FCRL2: variants seen among roughly 807,000 people sequenced by gnomAD.
The protein encoded by FCRL2 is Fc receptor like 2.
Under a neutral mutation model 59.8 loss-of-function variants are expected in FCRL2, and 48 were observed. The ratio of observed to expected loss-of-function variants is 0.80; its 90% CI spans 0.64 to 1.02. The LOEUF (loss-of-function observed/expected upper bound fraction) is 1.02, where lower values mean the gene tolerates loss of function less well. Among genes scored for constraint, FCRL2 ranks in the 50% least tolerant of loss-of-function variants. FCRL2 has a pLI of 0.00. For synonymous variants in FCRL2, 251 were observed against 229.5 expected (o/e 1.09, Z -0.85); for missense variants, 658 against 597.3 (o/e 1.10, Z -1.06).
chr1:157,757,102 T>A (rs1345469676), intron 7 of FCRL2, among the ~76,000 whole-genome samples: 1 of 152,250 alleles, frequency 6.6e-6, no homozygotes, highest in Non-Finnish European at 1.5e-5. Flanking sequence ...TAGACACTTT[T>A]TCTCTACCAC....
chr1:157,775,770 C>G lies in FCRL2; in HGVS notation c.52+5G>C. The G allele has an allele frequency of 6.2e-7, 1 of 1,614,064 alleles. No homozygotes were observed. Among genetic ancestry groups the G allele is most frequent in the Non-Finnish European group, 8.5e-7 (1 of 1,179,960 alleles). ...CCAAGAACAACAAAGACAAGGAGGA[C>G]TCACCTGCCTGTTCAGTGACTGCAT... is the stretch of plus-strand genomic sequence containing the variant. On this transcript the variant is annotated splice_donor_5th_base_variant and intron_variant, in intron 2 of 11. Coordinates refer to ENST00000361516, the MANE Select transcript of FCRL2 (RefSeq NM_030764.4).
At chr1:157,751,812 A>T (rs189331899) in intron 7 of FCRL2, among the ~76,000 whole-genome samples, 5 of 152,364 alleles carry the variant, frequency 3.3e-5, no homozygotes, top group African/African-American at 4.8e-5. Flanking sequence ...GCATCACAAG[A>T]TGCAGGTAGG....
At chr1:157,770,341 C>T (rs1285210284) in intron 3 of FCRL2, 68 bp downstream of exon 3, 1 of 1,564,900 alleles carries the variant, frequency 6.4e-7, no homozygotes, top group Non-Finnish European at 8.7e-7. Context: ...TTTCCCCTAC[C>T]CAGTACCCAC....
chr1:157,754,605 T>C (rs1648447765), intron 7 of FCRL2, among the ~76,000 whole-genome samples: 1 of 151,968 alleles, frequency 6.6e-6, no homozygotes, highest in Non-Finnish European at 1.5e-5. Flanking sequence ...GGGGTCTGGA[T>C]CCAGACCCCT....
intron 5 of FCRL2, 83 bp from the exon 6 acceptor site, chr1:157,767,592 G>C (rs777298803): frequency 1.8e-5 from 29 of 1,614,086 alleles, no homozygotes. Context: ...GCTCAGCAAA[G>C]GGCCTGGCCC....
rs35452726 is a variant in FCRL2 at position 157,772,028 on chromosome 1, T to TTATATA, written c.53-1368_53-1363dup. Among the ~76,000 whole-genome samples, 870 of 147,130 alleles carry TTATATA rather than the reference T, an allele frequency of 5.9e-3. 4 individuals carry two copies. The highest frequency in any genetic ancestry group is 0.021 in the East Asian group (104 of 5,070). ...TGTTAGACATTGGGGAACAATCTGA[T>TTATATA]TATATATATATATATATATTTAGCA... On this transcript the variant is annotated intron_variant, in intron 2 of 11. Transcript: ENST00000361516.
rs1000392734 is a variant in FCRL2, at chr1:157,764,614, A to G, written c.1279+2241T>C. Among the ~76,000 whole-genome samples, 7 of 152,378 alleles carry G rather than the reference A, an allele frequency of 4.6e-5. No individual in the cohort carries two copies. The East Asian group carries it at 1.3e-3, about 29-fold the overall frequency. On this transcript the variant is annotated intron_variant, in intron 7 of 11. Coordinates refer to ENST00000361516, the MANE Select transcript of FCRL2 (RefSeq NM_030764.4). Reference sequence around the variant, plus strand: ...AACAAATTATTAAAATCAAAATCATATCAAGTATCTTCTCAGACCACAAGG... The same window carrying G: ...AACAAATTATTAAAATCAAAATCATGTCAAGTATCTTCTCAGACCACAAGG...
intron 11 of FCRL2, 31 bp from the exon 12 acceptor site, chr1:157,746,805 G>C: frequency 6.2e-7 from 1 of 1,613,718 alleles, no homozygotes; most frequent in Non-Finnish European, 8.5e-7. Context: ...TAAAGACTGA[G>C]GTGATCAAGA....
Position 157,746,778 on chromosome 1 carries a change from G to A in FCRL2, c.1489-4C>T, listed in dbSNP as rs1273234449. On this transcript the variant is annotated splice_region_variant and splice_polypyrimidine_tract_variant and intron_variant, in intron 11 of 11. Coordinates refer to ENST00000361516, the MANE Select transcript of FCRL2 (RefSeq NM_030764.4). ...AAGAGTAGATGACTTGGGAGTCCTGGGAGAGACACACAGGAATAAAGACTG... is the reference window on the plus strand; with the variant it reads ...AAGAGTAGATGACTTGGGAGTCCTGAGAGAGACACACAGGAATAAAGACTG... The A allele has an allele frequency of 1.2e-6, 2 of 1,613,558 alleles. No homozygotes were observed. The highest frequency in any genetic ancestry group is 1.1e-5 in the South Asian group (1 of 91,056).
rs781437817 is a variant in FCRL2, at chr1:157,748,616, C to T, written c.1396G>A (p.Gly466Ser). 1.7e-5 allele frequency: 28 copies of T among 1,613,702 alleles called. No individual in the cohort carries two copies. The South Asian group carries it at 2.6e-4, about 15-fold the overall frequency. Residue 466 changes from glycine to serine, a missense_variant and splice_region_variant, in exon 10 of 12, where the codon GGC becomes AGC. Physicochemically the swap from Gly to Ser is moderately conservative, Grantham distance 56. Transcript: ENST00000361516. ...TAAACCACATCCACATCTACAGAGC[C>T]CACTGCAGGGAGAAGACAAGAGTTC... ...EELQPVYVNV[G>S]SVDVDVVYSQ...
At chr1:157,756,071 T>A (rs73005120) in intron 7 of FCRL2, among the ~76,000 whole-genome samples, 1,739 of 152,332 alleles carry the variant, frequency 0.011, 35 homozygotes, top group African/African-American at 0.04. Flanking sequence ...TTATTTTAGT[T>A]TATTTTAGGT....
chr1:157,756,908 T>A (rs942450746), intron 7 of FCRL2, among the ~76,000 whole-genome samples: 1 of 152,246 alleles, frequency 6.6e-6, no homozygotes, highest in Non-Finnish European at 1.5e-5. Flanking sequence ...CATCATGCTG[T>A]ACATAAATAC....
chr1:157,773,882 T>A (rs985615345), intron 2 of FCRL2, among the ~76,000 whole-genome samples: 1 of 151,998 alleles, frequency 6.6e-6, no homozygotes, highest in Non-Finnish European at 1.5e-5. Context: ...AGGTGCCCAA[T>A]AGAATCATGC....
intron 7 of FCRL2, among the ~76,000 whole-genome samples, chr1:157,752,876 A>G (rs1341096030): frequency 6.6e-6 from 1 of 152,192 alleles, no homozygotes; most frequent in Admixed American, 6.5e-5. Flanking sequence ...TAACAAAACT[A>G]CTTTGTTGAG....
intron 7 of FCRL2, 55 bp from the exon 8 acceptor site, chr1:157,749,732 A>T: frequency 2.1e-6 from 3 of 1,440,224 alleles, no homozygotes; most frequent in Middle Eastern, 2.4e-4. Context: ...TATCTCTTAA[A>T]ATTTTGACAT....
At chr1:157,760,727 G>GAAAA (rs1557860502) in intron 7 of FCRL2, among the ~76,000 whole-genome samples, 1 of 144,048 alleles carries the variant, frequency 6.9e-6, no homozygotes, top group African/African-American at 2.6e-5. Context: ...AAGAAAGAAA[G>GAAAA]AAAGAAAGAA....
At chr1:157,776,705 A>G (rs1396962123) in intron 1 of FCRL2, among the ~76,000 whole-genome samples, 1 of 152,228 alleles carries the variant, frequency 6.6e-6, no homozygotes, top group Non-Finnish European at 1.5e-5. Context: ...GTGTTCATGG[A>G]GGAGAAGGGC....
In FCRL2 at chr1:157,767,520, C is replaced by T. The variant is rs1649606191; in HGVS notation, c.884-11G>A. On this transcript the variant is annotated splice_polypyrimidine_tract_variant and intron_variant, in intron 5 of 11. Transcript: ENST00000361516. ...GGCGAGACACTGGAACTGACAGACA[C>T]AGAGGGGCTATCAGAAAAGATTTGT... The T allele has an allele frequency of 6.2e-7, 1 of 1,614,142 alleles. No homozygotes were observed. The highest frequency in any genetic ancestry group is 1.7e-5 in the Admixed American group (1 of 60,014).
chr1:157,776,916 C>T, intron 1 of FCRL2, 127 bp downstream of exon 1: 3 of 863,320 alleles, frequency 3.5e-6, no homozygotes, highest in South Asian at 2.9e-5. Flanking sequence ...GCCTTTGAAG[C>T]CCAAGCTGCA....
Sources: gnomAD v4.1 joint callset for allele counts (sites outside exome capture counted in the v4.1 genomes callset) on GRCh38, gnomAD v4.1.1 for gene constraint, MANE v1.5 for transcripts, NCBI Gene and HGNC (gene_info 2026-07-23, HGNC 2026-07-21) for gene names.